ADORA3: variants seen among roughly 807,000 people sequenced by gnomAD.
ADORA3 encodes the protein adenosine receptor A3.
In ADORA3, 3 loss-of-function variants were observed where a neutral mutation model predicts 5.7. The observed-to-expected ratio is 0.52, with a 90% confidence interval of 0.24 to 1.35. ADORA3 has a LOEUF of 1.35. Among genes scored for constraint, ADORA3 ranks in the 40% most tolerant of loss-of-function variants. ADORA3 has a pLI of 0.17. For synonymous variants in ADORA3, 168 were observed against 152.3 expected (o/e 1.10, Z -0.76); for missense variants, 343 against 389.0 (o/e 0.88, Z 0.99).
chr1:111,500,576 C>A lies in ADORA3; in HGVS notation c.351-20G>T. The A allele has an allele frequency of 6.2e-7, 1 of 1,610,130 alleles. No homozygotes were observed. The highest frequency in any genetic ancestry group is 8.5e-7 in the Non-Finnish European group (1 of 1,177,266). On this transcript the variant is annotated intron_variant, in intron 1 of 1. Coordinates refer to ENST00000241356, the MANE Select transcript of ADORA3 (RefSeq NM_000677.4). ...TTGTATCTGTGTGAATGAAGAGAGT[C>A]AGTGAGTCCACAGCAGTAATTGCTA...
Position 111,499,776 on chromosome 1 carries a change from G to A in ADORA3, c.*174C>T. The A allele has an allele frequency of 7.0e-7, 1 of 1,438,746 alleles. No homozygotes were observed. 89.1% of individuals were successfully genotyped at this position (1,438,746 alleles called of 1,614,324 possible). ...GAAAGGACAAGGGAAAAATGAAGTG[G>A]AGGAAGAGAGTAGTGGAGTGGGGGA... On this transcript the variant is annotated 3_prime_UTR_variant, in exon 2 of 2. Coordinates refer to ENST00000241356, the MANE Select transcript of ADORA3 (RefSeq NM_000677.4).
rs1457656474 is a variant in ADORA3, at chr1:111,503,279, C to T, written c.76G>A (p.Ala26Thr). 8.1e-6 allele frequency: 13 copies of T among 1,614,086 alleles called. No individual in the cohort carries two copies. Among genetic ancestry groups the T allele is most frequent in the East Asian group, 6.7e-5 (3 of 44,902 alleles). ...ITMEIFIGLC[A>T]IVGNVLVICV... is the part of the protein sequence containing the mutation. ...ATGACCAGCACGTTGCCCACTATGGCGCAGAGTCCAATGAAAATTTCCATG... is the reference window on the plus strand; with the variant it reads ...ATGACCAGCACGTTGCCCACTATGGTGCAGAGTCCAATGAAAATTTCCATG... Residue 26 changes from alanine (A) to threonine (T), a missense_variant, in exon 1 of 2, where the codon GCC becomes ACC. Transcript: ENST00000241356.
In ADORA3 at chr1:111,503,463, G is replaced by A. The variant is rs1326534319; in HGVS notation, c.-109C>T. 31 of 1,466,542 alleles carry A rather than the reference G, an allele frequency of 2.1e-5. No individual in the cohort carries two copies. Among genetic ancestry groups the A allele is most frequent in the Non-Finnish European group, 2.5e-5 (28 of 1,106,386 alleles). The allele number at this position is 1,466,542 out of a possible 1,614,324, so 90.8% of individuals were successfully genotyped here. A position where few individuals can be genotyped will look rare whatever the true frequency, so the allele number is the denominator to read the frequency against. On this transcript the variant is annotated 5_prime_UTR_variant, in exon 1 of 2. Transcript: ENST00000241356. Reference sequence around the variant, plus strand: ...ACGTCTTCCCAGAGGTCCATGTGCAGTGACAGTCTAAAATTCCCAACTTGC... The same window carrying A: ...ACGTCTTCCCAGAGGTCCATGTGCAATGACAGTCTAAAATTCCCAACTTGC...
Position 111,500,468 on chromosome 1 carries a change from A to G in ADORA3, c.439T>C (p.Phe147Leu). 6.2e-7 allele frequency: 1 copy of G among 1,614,180 alleles called. No homozygotes were observed. Among genetic ancestry groups the G allele is most frequent in the South Asian group, 1.1e-5 (1 of 91,082 alleles). Residue 147 changes from phenylalanine to leucine, a missense_variant, in exon 2 of 2, where the codon TTT becomes CTT. Phe to Leu is a conservative substitution (Grantham distance 22). Coordinates refer to ENST00000241356, the MANE Select transcript of ADORA3 (RefSeq NM_000677.4). Reference protein sequence around the residue: ...VSFLVGLTPMFGWNMKLTSEY... With the variant: ...VSFLVGLTPMLGWNMKLTSEY... ...GAGGTCAGTTTCATGTTCCAGCCAA[A>G]CATGGGGGTCAATCCCACCAGGAAT...
chr1:111,502,950 T>C lies in ADORA3; in HGVS notation c.350+55A>G, dbSNP rs555082830. 5.6e-6 allele frequency: 9 copies of C among 1,593,162 alleles called. No homozygotes were observed. In the East Asian group the frequency reaches 2.0e-4, roughly 36 times the overall value. On this transcript the variant is annotated intron_variant, in intron 1 of 1. Coordinates refer to ENST00000241356, the MANE Select transcript of ADORA3 (RefSeq NM_000677.4). Reference sequence around the variant, plus strand: ...CTCAAAAAGTCTGGGCTCTGGGCTTTGTAGCCTCATTTCCCAGCTGCCTCA... The same window carrying C: ...CTCAAAAAGTCTGGGCTCTGGGCTTCGTAGCCTCATTTCCCAGCTGCCTCA...
Position 111,503,517 on chromosome 1 carries a change from T to C in ADORA3, c.-163A>G. The C allele has an allele frequency of 7.0e-7, 1 of 1,432,180 alleles. No individual in the cohort carries two copies. The highest frequency in any genetic ancestry group is 9.1e-7 in the Non-Finnish European group (1 of 1,095,208). The allele number at this position is 1,432,180 out of a possible 1,614,324, so 88.7% of individuals were successfully genotyped here. The stretch of plus-strand genomic sequence containing the variant: ...TTCCTACCCTTTTCTGGTGGGGTGA[T>C]CTCTTGGAAACCCTTCTCCTTAGAA... On this transcript the variant is annotated 5_prime_UTR_variant, in exon 1 of 2. Coordinates refer to ENST00000241356, the MANE Select transcript of ADORA3 (RefSeq NM_000677.4).
At chr1:111,502,620 T>C (rs1655297709) in intron 1 of ADORA3, among the ~76,000 whole-genome samples, 1 of 150,556 alleles carries the variant, frequency 6.6e-6, no homozygotes, top group Non-Finnish European at 1.5e-5. Context: ...CCTCTTATGT[T>C]TATCTGCCTG....
Position 111,503,109 on chromosome 1 carries a change from G to A in ADORA3, c.246C>T (p.Ser82=). ...GCAGTAGGCAAGTCATAAAAAGGCAGCTGTAGAAGTGGATTGTGATGCCCA... is the reference window on the plus strand; with the variant it reads ...GCAGTAGGCAAGTCATAAAAAGGCAACTGTAGAAGTGGATTGTGATGCCCA... ...VSLGITIHFY[S]CLFMTCLLLI... The change falls in exon 1 of 2, where the codon AGC becomes AGT. Residue 82 remains serine, a synonymous_variant. Coordinates refer to ENST00000241356, the MANE Select transcript of ADORA3 (RefSeq NM_000677.4). 4.3e-6 allele frequency: 7 copies of A among 1,614,232 alleles called. No individual in the cohort carries two copies.
At position 111,503,460 on chromosome 1, in the gene ADORA3, G is replaced by A. The variant is rs1655361480; in HGVS notation, c.-106C>T. On this transcript the variant is annotated 5_prime_UTR_variant, in exon 1 of 2. Coordinates refer to ENST00000241356, the MANE Select transcript of ADORA3 (RefSeq NM_000677.4). The stretch of plus-strand genomic sequence containing the variant: ...CAGACGTCTTCCCAGAGGTCCATGT[G>A]CAGTGACAGTCTAAAATTCCCAACT... The A allele has an allele frequency of 1.0e-5, 15 of 1,468,076 alleles. No homozygotes were observed. The South Asian group carries it at 2.1e-4, about 21-fold the overall frequency. 90.9% of individuals were successfully genotyped at this position (1,468,076 alleles called of 1,614,324 possible).
chr1:111,502,028 T>TGA, intron 1 of ADORA3, among the ~76,000 whole-genome samples: 1 of 92,582 alleles, frequency 1.1e-5, no homozygotes, highest in Non-Finnish European at 2.5e-5. Context: ...TTTATTATAT[T>TGA]ATATATAGGA....
Position 111,500,008 on chromosome 1 carries a change from C to G in ADORA3, c.899G>C (p.Cys300Ser), listed in dbSNP as rs750730029. 1.2e-6 allele frequency: 2 copies of G among 1,614,206 alleles called. No homozygotes were observed. The highest frequency in any genetic ancestry group is 2.2e-5 in the East Asian group (1 of 44,892). ...AGAATCAGAGGGATGGCAGACCACACAAGCTTTGAGGATCAAAAGGTAGGT... is the reference window on the plus strand; with the variant it reads ...AGAATCAGAGGGATGGCAGACCACAGAAGCTTTGAGGATCAAAAGGTAGGT... The part of the protein sequence containing the change: ...KETYLLILKA[C>S]VVCHPSDSLD... Residue 300 changes from cysteine (C) to serine (S), a missense_variant, in exon 2 of 2, where the codon TGT (cysteine) becomes TCT (serine). Physicochemically the swap from Cys to Ser is moderately radical, Grantham distance 112 (BLOSUM62 -1). Transcript: ENST00000241356.
chr1:111,499,523 A>G lies in ADORA3; in HGVS notation c.*427T>C. ...TCAGTTTATTTTTTCTGTTCCCAAC[A>G]TCTCCTAGGCATCCTCCGAGAGCAG... On this transcript the variant is annotated 3_prime_UTR_variant, in exon 2 of 2. Coordinates refer to ENST00000241356, the MANE Select transcript of ADORA3 (RefSeq NM_000677.4). 1 of 998,654 alleles carries G rather than the reference A, an allele frequency of 1.0e-6. No homozygotes were observed. The highest frequency in any genetic ancestry group is 1.0e-4 in the East Asian group (1 of 9,686). 61.9% of individuals were successfully genotyped at this position (998,654 alleles called of 1,614,324 possible). A position where few individuals can be genotyped will look rare whatever the true frequency, so the allele number is the denominator to read the frequency against.
chr1:111,502,343 A>ATT (rs1315296053), intron 1 of ADORA3, among the ~76,000 whole-genome samples: 1 of 140,230 alleles, frequency 7.1e-6, no homozygotes, highest in African/African-American at 2.6e-5. Flanking sequence ...TATATTTATT[A>ATT]TAATGAATAT....
In ADORA3 at chr1:111,503,305, G is replaced by A; in HGVS notation, c.50C>T (p.Thr17Ile). The A allele has an allele frequency of 6.2e-7, 1 of 1,614,118 alleles. No homozygotes were observed. Among genetic ancestry groups the A allele is most frequent in the Middle Eastern group, 1.6e-4 (1 of 6,062 alleles). Residue 17 changes from threonine to isoleucine, a missense_variant, in exon 1 of 2, where the codon ACC (threonine) becomes ATC (isoleucine). Transcript: ENST00000241356. The stretch of plus-strand genomic sequence containing the variant: ...GCAGAGTCCAATGAAAATTTCCATG[G>A]TGATGTAGGTAACATTGGCCAATGA... ...ALSLANVTYI[T>I]MEIFIGLCAI... is the part of the protein sequence containing the mutation.
Position 111,503,407 on chromosome 1 carries a change from C to T in ADORA3, c.-53G>A. The stretch of plus-strand genomic sequence containing the variant: ...GGACAGGTGAGCCAGCAAGATCCGT[C>T]TGTAGGGCCAGTGGGCCTAGCTCTC... On this transcript the variant is annotated 5_prime_UTR_variant, in exon 1 of 2. Coordinates refer to ENST00000241356, the MANE Select transcript of ADORA3 (RefSeq NM_000677.4). 1 of 1,547,250 alleles carries T rather than the reference C, an allele frequency of 6.5e-7. No individual in the cohort carries two copies. Among genetic ancestry groups the T allele is most frequent in the Admixed American group, 1.9e-5 (1 of 52,376 alleles).
In ADORA3 at chr1:111,500,075, T is replaced by A. The variant is rs1188933798; in HGVS notation, c.832A>T (p.Asn278Tyr). 2.5e-6 allele frequency: 4 copies of A among 1,614,242 alleles called. No homozygotes were observed. Among genetic ancestry groups the A allele is most frequent in the Non-Finnish European group, 2.5e-6 (3 of 1,180,052 alleles). The part of the protein sequence containing the change: ...ILLSHANSMM[N>Y]PIVYAYKIKK... Reference sequence around the variant, plus strand: ...ATTTTATAGGCATAGACGATAGGGTTCATCATGGAGTTGGCATGGGACAGC... The same window carrying A: ...ATTTTATAGGCATAGACGATAGGGTACATCATGGAGTTGGCATGGGACAGC... The change falls in exon 2 of 2, where the codon AAC becomes TAC. Residue 278 changes from asparagine to tyrosine, a missense_variant. Transcript: ENST00000241356.
In ADORA3 at chr1:111,503,283, G is replaced by C; in HGVS notation, c.72C>G (p.Leu24=). ...CCAGCACGTTGCCCACTATGGCGCAGAGTCCAATGAAAATTTCCATGGTGA... is the reference window on the plus strand; with the variant it reads ...CCAGCACGTTGCCCACTATGGCGCACAGTCCAATGAAAATTTCCATGGTGA... ...TYITMEIFIG[L]CAIVGNVLVI... is the part of the protein sequence containing the mutation. Residue 24 remains leucine (L), a synonymous_variant, in exon 1 of 2, where the codon CTC becomes CTG. Coordinates refer to ENST00000241356, the MANE Select transcript of ADORA3 (RefSeq NM_000677.4). 1 of 1,614,226 alleles carries C rather than the reference G, an allele frequency of 6.2e-7. No individual in the cohort carries two copies. Among genetic ancestry groups the C allele is most frequent in the South Asian group, 1.1e-5 (1 of 91,074 alleles).
Position 111,500,186 on chromosome 1 carries a change from GA to G in ADORA3, c.720del (p.Leu241CysfsTer36). 1 of 1,614,164 alleles carries G rather than the reference GA, an allele frequency of 6.2e-7. No homozygotes were observed. Among genetic ancestry groups the G allele is most frequent in the Non-Finnish European group, 8.5e-7 (1 of 1,180,030 alleles). The part of the protein sequence containing the change: ...KSLFLVLFLF[A>X]LSWLPLSIIN... Reference sequence around the variant, plus strand: ...ATGATAGATAAAGGCAGCCATGACAGAGCAAACAAGAAAAGAACCAGAAACA... The same window carrying G: ...ATGATAGATAAAGGCAGCCATGACAGGCAAACAAGAAAAGAACCAGAAACA... On this transcript the variant is annotated frameshift_variant, in exon 2 of 2. Coordinates refer to ENST00000241356, the MANE Select transcript of ADORA3 (RefSeq NM_000677.4). LOFTEE classifies it low-confidence loss of function (END_TRUNC).
In ADORA3 at chr1:111,502,994, C is replaced by A. The variant is rs762691140; in HGVS notation, c.350+11G>T. 36 of 1,611,338 alleles carry A rather than the reference C, an allele frequency of 2.2e-5. No individual in the cohort carries two copies. Among genetic ancestry groups the A allele is most frequent in the Non-Finnish European group, 2.5e-5 (29 of 1,178,004 alleles). On this transcript the variant is annotated intron_variant, in intron 1 of 1. Transcript: ENST00000241356. ...TGCCTCAATTGCTGCCCACCCCACG[C>A]CGCAGGCTACCTGACGGTAAGCTTG...
Sources: allele counts gnomAD v4.1 joint callset (sites outside exome capture counted in the v4.1 genomes callset), GRCh38; gene constraint gnomAD v4.1.1; transcripts MANE v1.5; gene names NCBI Gene and HGNC (gene_info 2026-07-23, HGNC 2026-07-21).